Variants in EML5 observed in about 807,000 individuals in gnomAD.
EML5 encodes EMAP like 5.
A neutral mutation model predicts 250.0 loss-of-function variants in EML5; 120 were observed. The ratio of observed to expected loss-of-function variants is 0.48; its 90% CI spans 0.41 to 0.56. The LOEUF (loss-of-function observed/expected upper bound fraction) is 0.56, where lower values mean the gene tolerates loss of function less well. Among genes scored for constraint, EML5 ranks in the 20% least tolerant of loss-of-function variants. The probability of loss-of-function intolerance (pLI) is 0.00; values close to 1 mark genes in which losing one functional copy is unlikely to be tolerated. For missense variants in EML5, 2,006 were observed against 2,437.6 expected (o/e 0.82, Z 3.73); for synonymous variants, 771 against 806.5 (o/e 0.96, Z 0.75).
chr14:88,771,517 T>A (rs2094392982), intron 1 of EML5, among the ~76,000 whole-genome samples: 1 of 152,162 alleles, frequency 6.6e-6, no homozygotes, highest in South Asian at 2.1e-4. Flanking sequence ...AATATACCCA[T>A]TAAAAAACAA....
intron 33 of EML5, among the ~76,000 whole-genome samples, chr14:88,634,135 T>G (rs2090592436): frequency 6.6e-6 from 1 of 152,184 alleles, no homozygotes; most frequent in Non-Finnish European, 1.5e-5. Flanking sequence ...GATTTCCCCC[T>G]TGCTGTTCTT....
At chr14:88,702,291 T>A (rs532239766) in intron 14 of EML5, among the ~76,000 whole-genome samples, 155 bp downstream of exon 14, 85 of 152,250 alleles carry the variant, frequency 5.6e-4, no homozygotes, top group Admixed American at 3.3e-3. Context: ...GAAAAAAGTT[T>A]GGGGTAAATT....
chr14:88,744,494 C>A (rs906071936), intron 3 of EML5, among the ~76,000 whole-genome samples: 2 of 151,968 alleles, frequency 1.3e-5, no homozygotes, highest in Non-Finnish European at 2.9e-5. Flanking sequence ...ACCTTTATAG[C>A]TTTCTATCAC....
Position 88,664,631 on chromosome 14 carries a change from T to C in EML5, c.3278-7A>G, listed in dbSNP as rs1362519737. On this transcript the variant is annotated splice_region_variant and splice_polypyrimidine_tract_variant and intron_variant, in intron 22 of 43. Coordinates refer to ENST00000554922, the MANE Select transcript of EML5 (RefSeq NM_183387.3). ...GCAAGATATTTCCCAGAACCTATAATAGAAACATATTTGCTTGACATTTTC... is the reference window on the plus strand; with the variant it reads ...GCAAGATATTTCCCAGAACCTATAACAGAAACATATTTGCTTGACATTTTC... 6 of 1,599,688 alleles carry C rather than the reference T, an allele frequency of 3.8e-6. No homozygotes were observed. The African/African-American group carries it at 4.0e-5, about 11-fold the overall frequency.
At chr14:88,769,315 C>G (rs941739525) in intron 1 of EML5, among the ~76,000 whole-genome samples, 5 of 152,140 alleles carry the variant, frequency 3.3e-5, no homozygotes, top group African/African-American at 1.2e-4. Flanking sequence ...CCCCACCTCG[C>G]TTCCTTCTAC....
intron 10 of EML5, 97 bp from the exon 11 acceptor site, chr14:88,706,523 T>A (rs1347596028): frequency 6.5e-6 from 6 of 919,356 alleles, no homozygotes; most frequent in Non-Finnish European, 9.0e-6. Flanking sequence ...CATCCTTCTA[T>A]CTGAATTATA....
At chr14:88,660,245 T>C (rs1192535509) in intron 25 of EML5, among the ~76,000 whole-genome samples, 1 of 150,442 alleles carries the variant, frequency 6.6e-6, no homozygotes, top group Non-Finnish European at 1.5e-5. Context: ...ATTGCGCCAT[T>C]GCATTCCAGC....
intron 8 of EML5, among the ~76,000 whole-genome samples, chr14:88,717,924 G>A (rs961875101): frequency 2.6e-5 from 4 of 152,166 alleles, no homozygotes; most frequent in Non-Finnish European, 4.4e-5. Flanking sequence ...ATTATAGGAC[G>A]TAATACGTAC....
In EML5 at chr14:88,638,287, A is replaced by G. The variant is rs140400195; in HGVS notation, c.4336+522T>C. Among the ~76,000 whole-genome samples, 91 of 152,338 alleles carry G rather than the reference A, an allele frequency of 6.0e-4. No homozygotes were observed. In the East Asian group the frequency reaches 0.013, roughly 21 times the overall value. ...TTCACAGAGGTAAAAGAATACAGGT[A>G]TATTTCAAAACAGCTCAAGACAGTT... On this transcript the variant is annotated intron_variant, in intron 32 of 43. Transcript: ENST00000554922.
chr14:88,660,780 T>C (rs2092069258), intron 25 of EML5, among the ~76,000 whole-genome samples: 2 of 143,656 alleles, frequency 1.4e-5, no homozygotes, highest in South Asian at 2.2e-4. Context: ...AAACTTAATA[T>C]ACATAAGCAG....
At chr14:88,678,891 A>T (rs2092656708) in intron 21 of EML5, among the ~76,000 whole-genome samples, 1 of 152,146 alleles carries the variant, frequency 6.6e-6, no homozygotes, top group South Asian at 2.1e-4. Flanking sequence ...ACAGAAACCC[A>T]TTCTCTCACA....
Position 88,696,864 on chromosome 14 carries a change from C to G in EML5, c.2327G>C (p.Ser776Thr). 6.2e-7 allele frequency: 1 copy of G among 1,606,946 alleles called. No homozygotes were observed. Among genetic ancestry groups the G allele is most frequent in the Non-Finnish European group, 8.5e-7 (1 of 1,176,566 alleles). Residue 776 changes from serine (S) to threonine (T), a missense_variant, in exon 15 of 44, where the codon AGT (serine) becomes ACT (threonine). Transcript: ENST00000554922. ...AGCCTTACCTGAGAAATCAACGGCA[C>G]TAACACCATACTGGTGGTGGCCCTT... ...ILKGHHQYGVSAVDFSADGKR... is the reference protein window; with the variant it reads ...ILKGHHQYGVTAVDFSADGKR...
chr14:88,720,519 A>T (rs914034016), intron 8 of EML5, among the ~76,000 whole-genome samples: 1 of 152,198 alleles, frequency 6.6e-6, no homozygotes, highest in East Asian at 1.9e-4. Flanking sequence ...AGATCTAAAA[A>T]CAAAGACCAT....
chr14:88,687,453 G>A, intron 18 of EML5, 126 bp from the exon 19 acceptor site: 1 of 640,460 alleles, frequency 1.6e-6, no homozygotes, highest in East Asian at 3.0e-5. Context: ...GTAAAGAACA[G>A]GAATTAGCTT....
At chr14:88,748,574 T>C (rs1466238233) in intron 2 of EML5, among the ~76,000 whole-genome samples, 2 of 152,156 alleles carry the variant, frequency 1.3e-5, no homozygotes, top group Non-Finnish European at 2.9e-5. Flanking sequence ...AAGGATATAA[T>C]AAAATTACAG....
chr14:88,628,935 TAATAA>T (rs1326396067), intron 33 of EML5, among the ~76,000 whole-genome samples: 10 of 152,052 alleles, frequency 6.6e-5, no homozygotes, highest in South Asian at 2.1e-4. Flanking sequence ...GTTTATCATA[TAATAA>T]AATAGGTTAT....
chr14:88,789,098 G>T (rs1276532908), intron 1 of EML5, among the ~76,000 whole-genome samples: 1 of 151,512 alleles, frequency 6.6e-6, no homozygotes, highest in African/African-American at 2.4e-5. Flanking sequence ...TCGCATTCTT[G>T]TAACAACTGG....
chr14:88,643,717 C>T (rs1223405474), intron 30 of EML5, among the ~76,000 whole-genome samples: 1 of 152,190 alleles, frequency 6.6e-6, no homozygotes, highest in Non-Finnish European at 1.5e-5. Context: ...CTTCGAAGAA[C>T]TCAAACAGTA....
At chr14:88,654,009 T>C (rs1370096040) in intron 27 of EML5, among the ~76,000 whole-genome samples, 1 of 152,178 alleles carries the variant, frequency 6.6e-6, no homozygotes, top group Non-Finnish European at 1.5e-5. Flanking sequence ...TGGTTTAGTC[T>C]TGGGAGGGTG....
Sources: allele counts gnomAD v4.1 joint callset (sites outside exome capture counted in the v4.1 genomes callset), GRCh38; gene constraint gnomAD v4.1.1; transcripts MANE v1.5; gene names NCBI Gene and HGNC (gene_info 2026-07-23, HGNC 2026-07-21).